PECAM1: variants seen among roughly 807,000 people sequenced by gnomAD.
The protein encoded by PECAM1 is platelet endothelial cell adhesion molecule.
A neutral mutation model predicts 13.8 loss-of-function variants in PECAM1; 8 were observed. The observed-to-expected ratio is 0.58, with a 90% CI of 0.34 to 1.05. The LOEUF (loss-of-function observed/expected upper bound fraction) is 1.05, where lower values mean the gene tolerates loss of function less well. Ranked by LOEUF, PECAM1 falls within the 50% of genes least tolerant of loss-of-function variation. The pLI, the probability that PECAM1 is intolerant of heterozygous loss-of-function variation, is 0.03. For missense variants in PECAM1, 304 were observed against 141.2 expected, an observed-to-expected ratio of 2.15 and a Z score of -5.84; for synonymous variants, 136 against 52.6, an observed-to-expected ratio of 2.58 and a Z score of -6.86.
chr17:64,321,760 C>G lies in PECAM1; in HGVS notation c.*2056G>C, dbSNP rs1236574591. 7.8e-7 allele frequency: 1 copy of G among 1,288,836 alleles called. No homozygotes were observed. The highest frequency in any genetic ancestry group is 1.0e-6 in the Non-Finnish European group (1 of 980,420). 79.8% of individuals were successfully genotyped at this position (1,288,836 alleles called of 1,614,324 possible). The stretch of plus-strand genomic sequence containing the variant: ...TGGGCAACAGAGCAAGCCCCTGTCT[C>G]AACAAAACAAAACAAAACAAAAAAT... On this transcript the variant is annotated 3_prime_UTR_variant, in exon 16 of 16. Transcript: ENST00000563924.
chr17:64,362,804 G>A (rs1056056755), intron 6 of PECAM1, among the ~76,000 whole-genome samples: 7 of 151,322 alleles, frequency 4.6e-5, no homozygotes, highest in African/African-American at 7.3e-5. Flanking sequence ...GTGAGCTATC[G>A]TGCCACTGCA....
Position 64,321,979 on chromosome 17 carries a change from C to A in PECAM1, c.*1837G>T. 7.8e-7 allele frequency: 1 copy of A among 1,274,216 alleles called. No individual in the cohort carries two copies. Among genetic ancestry groups the A allele is most frequent in the Non-Finnish European group, 1.0e-6 (1 of 974,092 alleles). The allele number at this position is 1,274,216 out of a possible 1,614,324, so 78.9% of individuals were successfully genotyped here. ...CTGATCCTTTGACCTCAATCTGAGCCCACCACTCAGAAAACCTGGAAATTG... is the reference window on the plus strand; with the variant it reads ...CTGATCCTTTGACCTCAATCTGAGCACACCACTCAGAAAACCTGGAAATTG... On this transcript the variant is annotated 3_prime_UTR_variant, in exon 16 of 16. Transcript: ENST00000563924.
In PECAM1 at chr17:64,360,284, C is replaced by T; in HGVS notation, c.1348G>A (p.Val450Ile). ...GAGTTCTTGGTACTATTCTCCAAAA[C>T]TTTACTTGTTTTTAAAAGTTGGTAA... ...ISYQLLKTSK[V>I]LENSTKNSND... is the part of the protein sequence containing the mutation. The change falls in exon 7 of 16, where the codon GTT (valine) becomes ATT (isoleucine). Residue 450 changes from valine to isoleucine, a missense_variant. Coordinates refer to ENST00000563924, the MANE Select transcript of PECAM1 (RefSeq NM_000442.5). 1 of 475,362 alleles carries T rather than the reference C, an allele frequency of 2.1e-6. No homozygotes were observed. The allele number at this position is 475,362 out of a possible 1,614,324, so 29.4% of individuals were successfully genotyped here. A position where few individuals can be genotyped will look rare whatever the true frequency, so the allele number is the denominator to read the frequency against.
intron 14 of PECAM1, among the ~76,000 whole-genome samples, chr17:64,333,561 A>G (rs2035185238): frequency 6.6e-6 from 1 of 152,094 alleles, no homozygotes; most frequent in Non-Finnish European, 1.5e-5. Context: ...TCACCACGCT[A>G]TGACAACCAA....
intron 15 of PECAM1, among the ~76,000 whole-genome samples, chr17:64,326,970 T>C (rs529302799): frequency 6.6e-6 from 1 of 152,320 alleles, no homozygotes; most frequent in African/African-American, 2.4e-5. Flanking sequence ...CAGGTGCTCA[T>C]TCAACCCTTG....
intron 14 of PECAM1, among the ~76,000 whole-genome samples, chr17:64,339,176 C>G (rs1402435753): frequency 6.6e-6 from 1 of 152,114 alleles, no homozygotes; most frequent in Non-Finnish European, 1.5e-5. Flanking sequence ...CAGCGAGGAT[C>G]CCTGCAGCTT....
At position 64,390,454 on chromosome 17, in the gene PECAM1, AGAAACATCTGTTACAGTG is replaced by A; in HGVS notation, c.91+17_91+34del. ...CAGAAGAGAAAGGAGGAAGCCAGGTAGAAACATCTGTTACAGTGGAAACATCAGACTTACAGTTTTCTT... is the reference window on the plus strand; with the variant it reads ...CAGAAGAGAAAGGAGGAAGCCAGGTAGAAACATCAGACTTACAGTTTTCTT... On this transcript the variant is annotated intron_variant, in intron 2 of 15. Transcript: ENST00000563924. The A allele has an allele frequency of 2.1e-6, 1 of 470,330 alleles. No homozygotes were observed. Among genetic ancestry groups the A allele is most frequent in the Non-Finnish European group, 3.9e-6 (1 of 256,518 alleles). The allele number at this position is 470,330 out of a possible 1,614,324, so 29.1% of individuals were successfully genotyped here.
At chr17:64,346,344 T>G (rs2035569319) in intron 13 of PECAM1, among the ~76,000 whole-genome samples, 1 of 152,146 alleles carries the variant, frequency 6.6e-6, no homozygotes, top group Non-Finnish European at 1.5e-5. Context: ...GATGCATTTT[T>G]AATTTTTTTT....
chr17:64,376,891 G>A (rs1000662921), intron 3 of PECAM1, among the ~76,000 whole-genome samples: 31 of 152,072 alleles, frequency 2.0e-4, no homozygotes, highest in Non-Finnish European at 8.8e-5. Context: ...CAGGAGAATC[G>A]CTTGAACCCA....
At chr17:64,380,335 A>T (rs972960230) in intron 2 of PECAM1, among the ~76,000 whole-genome samples, 10 of 127,830 alleles carry the variant, frequency 7.8e-5, no homozygotes, top group Non-Finnish European at 1.3e-4. Flanking sequence ...TCTAAAAAAA[A>T]TTAAATAAGT....
rs1373143014 is a variant in PECAM1 at position 64,321,676 on chromosome 17, G to A, written c.*2140C>T. ...CCCAGGAAGCTGAGATGGGAGGATC[G>A]CTTGAGCCCAGGGGTTCGAGGCTGC... On this transcript the variant is annotated 3_prime_UTR_variant, in exon 16 of 16. Coordinates refer to ENST00000563924, the MANE Select transcript of PECAM1 (RefSeq NM_000442.5). The A allele has an allele frequency of 2.6e-5, 17 of 645,846 alleles. No homozygotes were observed. The highest frequency in any genetic ancestry group is 3.1e-5 in the Non-Finnish European group (15 of 477,978). The allele number at this position is 645,846 out of a possible 1,614,324, so 40.0% of individuals were successfully genotyped here.
chr17:64,367,632 C>T (rs1472550967), intron 5 of PECAM1, among the ~76,000 whole-genome samples: 1 of 151,818 alleles, frequency 6.6e-6, no homozygotes, highest in Non-Finnish European at 1.5e-5. Context: ...AGAAAGTTAT[C>T]CAGGGAAAGT....
intron 2 of PECAM1, among the ~76,000 whole-genome samples, chr17:64,388,852 G>A (rs2143926276): frequency 6.6e-6 from 1 of 152,214 alleles, no homozygotes; most frequent in South Asian, 2.1e-4. Context: ...ATTTTTAGTA[G>A]AGACGGGGTT....
rs892076380 is a variant in PECAM1, at chr17:64,321,333, C to T, written c.*2483G>A. ...TAGACACCGGGGTTACGGCAGCTGC[C>T]GAGGAAGGCTAAAGCCAGCGTCCTG... is the stretch of plus-strand genomic sequence containing the variant. On this transcript the variant is annotated 3_prime_UTR_variant, in exon 16 of 16. Coordinates refer to ENST00000563924, the MANE Select transcript of PECAM1 (RefSeq NM_000442.5). The T allele has an allele frequency of 5.7e-6, 4 of 705,338 alleles. No individual in the cohort carries two copies. Among genetic ancestry groups the T allele is most frequent in the East Asian group, 2.6e-4 (2 of 7,640 alleles). 43.7% of individuals were successfully genotyped at this position (705,338 alleles called of 1,614,324 possible).
chr17:64,379,484 C>T (rs1410013169), intron 2 of PECAM1, among the ~76,000 whole-genome samples: 2 of 152,160 alleles, frequency 1.3e-5, no homozygotes, highest in African/African-American at 4.8e-5. Flanking sequence ...TGTATCCAAA[C>T]TTCAGAGCAG....
intron 14 of PECAM1, among the ~76,000 whole-genome samples, chr17:64,334,078 G>A (rs1230493884): frequency 2.7e-5 from 4 of 149,138 alleles, no homozygotes; most frequent in South Asian, 2.2e-4. Context: ...ATCCCCTAAC[G>A]TGGGGAGGCA....
At chr17:64,329,337 C>T (rs894114642) in intron 15 of PECAM1, among the ~76,000 whole-genome samples, 7 of 152,036 alleles carry the variant, frequency 4.6e-5, no homozygotes, top group Admixed American at 6.6e-5. Flanking sequence ...TAATTAGAAT[C>T]GGCTAAATTG....
intron 7 of PECAM1, among the ~76,000 whole-genome samples, chr17:64,357,403 C>A (rs1248225865): frequency 6.6e-6 from 1 of 152,094 alleles, no homozygotes; most frequent in Non-Finnish European, 1.5e-5. Flanking sequence ...TCACTCCCTG[C>A]AGGTCCAAGC....
At chr17:64,343,240 C>T (rs2035478819) in intron 13 of PECAM1, among the ~76,000 whole-genome samples, 1 of 152,034 alleles carries the variant, frequency 6.6e-6, no homozygotes, top group Non-Finnish European at 1.5e-5. Context: ...TCTCACCATG[C>T]TCCAGGGACA....
Sources: allele counts gnomAD v4.1 joint callset (sites outside exome capture counted in the v4.1 genomes callset), GRCh38; gene constraint gnomAD v4.1.1; transcripts MANE v1.5; gene names NCBI Gene and HGNC (gene_info 2026-07-23, HGNC 2026-07-21).